The following LIN52 variants were observed in gnomAD, a reference collection of about 807,000 sequenced individuals.
The protein encoded by LIN52 is protein lin-52 homolog.
In LIN52, 4 loss-of-function variants were observed where a neutral mutation model predicts 18.5. The observed-to-expected ratio is 0.22, with a 90% confidence interval of 0.11 to 0.49. LIN52 has a LOEUF of 0.49. Ranked by LOEUF, LIN52 falls within the 20% of genes least tolerant of loss-of-function variation. The probability of loss-of-function intolerance (pLI) is 0.97; values close to 1 mark genes in which losing one functional copy is unlikely to be tolerated. For missense variants in LIN52, 102 were observed against 139.5 expected (o/e 0.73, Z 1.35); for synonymous variants, 34 against 45.5 (o/e 0.75, Z 1.02).
At chr14:74,187,405 T>G (rs1265967919) in intron 5 of LIN52, among the ~76,000 whole-genome samples, 1 of 152,220 alleles carries the variant, frequency 6.6e-6, no homozygotes, top group African/African-American at 2.4e-5. Flanking sequence ...TTTTTTTTCT[T>G]TTAAAGTACT....
intron 5 of LIN52, among the ~76,000 whole-genome samples, chr14:74,109,324 A>T (rs1428211118): frequency 2.6e-5 from 4 of 152,180 alleles, no homozygotes; most frequent in African/African-American, 9.6e-5. Flanking sequence ...TCTCTACAAA[A>T]AGATTAAAAA....
rs1186790643 is a variant in LIN52 at position 74,114,083 on chromosome 14, CAAGTCCCCCACCT to C, written c.283+12846_283+12858del. The C allele has an allele frequency of 1.8e-5, 17 of 955,080 alleles. No individual in the cohort carries two copies. The African/African-American group carries it at 2.7e-4, about 15-fold the overall frequency. The allele number at this position is 955,080 out of a possible 1,614,324, so 59.2% of individuals were successfully genotyped here. A position where few individuals can be genotyped will look rare whatever the true frequency, so the allele number is the denominator to read the frequency against. ...GCAACCCCTACCTCCCGGGCTCAAG[CAAGTCCCCCACCT>C]CAGCTTCCCAAGTAGCTGGGACTAC... On this transcript the variant is annotated intron_variant, in intron 5 of 5. Transcript: ENST00000555028.
rs1207605031 is a variant in LIN52 at position 74,201,035 on chromosome 14, A to G, written c.*2058A>G. On this transcript the variant is annotated 3_prime_UTR_variant, in exon 6 of 6. Transcript: ENST00000555028. Reference sequence around the variant, plus strand: ...TTTTACCGTCATCCTATTCACCAGCACTTAATGTAAGTAGATGTTTTAGAA... The same window carrying G: ...TTTTACCGTCATCCTATTCACCAGCGCTTAATGTAAGTAGATGTTTTAGAA... The G allele has an allele frequency of 6.6e-6, 1 of 152,162 alleles. No individual in the cohort carries two copies. Among genetic ancestry groups the G allele is most frequent in the East Asian group, 1.9e-4 (1 of 5,196 alleles). The allele number at this position is 152,162 out of a possible 1,614,324, so 9.4% of individuals were successfully genotyped here.
chr14:74,199,240 A>G lies in LIN52; in HGVS notation c.*263A>G. Reference sequence around the variant, plus strand: ...TAGCCTCGGATATTGGTAACAGCTGAGGGCATATCATTCTTAAAGGTCGAA... The same window carrying G: ...TAGCCTCGGATATTGGTAACAGCTGGGGGCATATCATTCTTAAAGGTCGAA... On this transcript the variant is annotated 3_prime_UTR_variant, in exon 6 of 6. Coordinates refer to ENST00000555028, the MANE Select transcript of LIN52 (RefSeq NM_001024674.3). 1 of 349,002 alleles carries G rather than the reference A, an allele frequency of 2.9e-6. No homozygotes were observed. The allele number at this position is 349,002 out of a possible 1,614,324, so 21.6% of individuals were successfully genotyped here.
At chr14:74,091,148 C>T (rs535084244) in intron 1 of LIN52, 84 bp from the exon 2 acceptor site, 1 of 921,744 alleles carries the variant, frequency 1.1e-6, no homozygotes, top group Non-Finnish European at 1.7e-6. Context: ...GGTGAGTGTT[C>T]CAGTTTATGT....
At chr14:74,126,539 A>G (rs1322410071) in intron 5 of LIN52, among the ~76,000 whole-genome samples, 1 of 152,274 alleles carries the variant, frequency 6.6e-6, no homozygotes, top group Non-Finnish European at 1.5e-5. Context: ...ATACAGTGGA[A>G]TATTATTCAG....
chr14:74,180,715 A>G (rs2358633), intron 5 of LIN52, among the ~76,000 whole-genome samples: 91,678 of 152,132 alleles, frequency 0.6, 28,705 homozygotes, highest in Admixed American at 0.68. Flanking sequence ...CAGTGGTCTA[A>G]CATATAAAAA....
intron 5 of LIN52, among the ~76,000 whole-genome samples, chr14:74,130,278 G>GTTTTTTTTTTTTGTT (rs2061055403): frequency 1.5e-5 from 1 of 64,842 alleles, no homozygotes; most frequent in African/African-American, 6.3e-5. Context: ...GCATTTTTTG[G>GTTTTTTTTTTTTGTT]TTTTTTTTTT....
At position 74,095,979 on chromosome 14, in the gene LIN52, C is replaced by CA; in HGVS notation, c.130dup (p.Ser44LysfsTer5). 6.2e-7 allele frequency: 1 copy of CA among 1,608,280 alleles called. No individual in the cohort carries two copies. The stretch of plus-strand genomic sequence containing the variant: ...GTGTTGCTGAATTTGCAGCTTCCTT[C>CA]AAAAGTGTAAGTAATATCCCTTACC... On this transcript the variant is annotated frameshift_variant, in exon 3 of 6. Transcript: ENST00000555028. LOFTEE classifies it high-confidence loss of function.
At chr14:74,166,580 A>C (rs1447413979) in intron 5 of LIN52, among the ~76,000 whole-genome samples, 1 of 152,214 alleles carries the variant, frequency 6.6e-6, no homozygotes, top group Non-Finnish European at 1.5e-5. Flanking sequence ...CTGTGTGCCC[A>C]AAAAATCCAA....
At chr14:74,180,510 G>A (rs1477330925) in intron 5 of LIN52, among the ~76,000 whole-genome samples, 1 of 151,726 alleles carries the variant, frequency 6.6e-6, no homozygotes, top group African/African-American at 2.4e-5. Flanking sequence ...CACTCGCCTC[G>A]GCCTCCCAAA....
intron 5 of LIN52, among the ~76,000 whole-genome samples, chr14:74,116,814 C>A (rs1179812025): frequency 6.8e-6 from 1 of 147,690 alleles, no homozygotes; most frequent in African/African-American, 2.5e-5. Flanking sequence ...GCAGAACATA[C>A]AATTTTACAG....
intron 5 of LIN52, among the ~76,000 whole-genome samples, chr14:74,154,706 G>A (rs1356307592): frequency 6.6e-6 from 1 of 152,190 alleles, no homozygotes; most frequent in East Asian, 1.9e-4. Flanking sequence ...ATTGATTAGA[G>A]TTGCGGAAAT....
At chr14:74,190,911 A>G (rs1485657221) in intron 5 of LIN52, among the ~76,000 whole-genome samples, 4 of 152,220 alleles carry the variant, frequency 2.6e-5, no homozygotes, top group Non-Finnish European at 4.4e-5. Flanking sequence ...ACCCGTCCTC[A>G]TCCAGTGACA....
At chr14:74,116,725 A>G (rs2060966776) in intron 5 of LIN52, among the ~76,000 whole-genome samples, 1 of 151,472 alleles carries the variant, frequency 6.6e-6, no homozygotes, top group African/African-American at 2.4e-5. Context: ...AAAAAAAAAG[A>G]AAAGAAAAAA....
chr14:74,091,377 AAG>A (rs749908801), intron 2 of LIN52, 71 bp downstream of exon 2: 28 of 1,085,956 alleles, frequency 2.6e-5, no homozygotes, highest in Non-Finnish European at 3.8e-5. Flanking sequence ...GAGATTTTTA[AAG>A]AGTTATTTAT....
intron 5 of LIN52, among the ~76,000 whole-genome samples, chr14:74,138,773 A>G (rs935809536): frequency 2.6e-5 from 4 of 151,230 alleles, no homozygotes; most frequent in Non-Finnish European, 4.4e-5. Context: ...CTGCCTCAAA[A>G]AAAAAAAAAA....
intron 5 of LIN52, among the ~76,000 whole-genome samples, chr14:74,181,743 A>T (rs1373027725): frequency 6.6e-6 from 1 of 152,216 alleles, no homozygotes; most frequent in Non-Finnish European, 1.5e-5. Flanking sequence ...TTTAAATAAG[A>T]TTATTCAGAA....
intron 4 of LIN52, 119 bp downstream of exon 4, chr14:74,097,979 C>T (rs1397149548): frequency 5.8e-6 from 4 of 685,812 alleles, no homozygotes; most frequent in African/African-American, 1.8e-5. Flanking sequence ...TCATTTAAAC[C>T]TCCTTATTTG....
Sources: gnomAD v4.1 joint callset for allele counts (sites outside exome capture counted in the v4.1 genomes callset) on GRCh38, gnomAD v4.1.1 for gene constraint, MANE v1.5 for transcripts, NCBI Gene and HGNC (gene_info 2026-07-23, HGNC 2026-07-21) for gene names.